Variants in GABBR2 observed in about 807,000 individuals in gnomAD.
The protein encoded by GABBR2 is gamma-aminobutyric acid type B receptor subunit 2.
GABBR2 carries 23 observed loss-of-function variants against 105.6 expected under a neutral mutation model. The observed-to-expected ratio is 0.22, with a 90% CI of 0.16 to 0.31. The LOEUF (loss-of-function observed/expected upper bound fraction) is 0.31. GABBR2 is among the 10% of genes least tolerant of loss of function. GABBR2 has a pLI of 1.00. For missense variants in GABBR2, 734 were observed against 1,245.5 expected (o/e 0.59, Z 6.18); for synonymous variants, 478 against 499.7 (o/e 0.96, Z 0.58).
chr9:98,300,711 C>A (rs1267810205), intron 16 of GABBR2, among the ~76,000 whole-genome samples: 2 of 152,188 alleles, frequency 1.3e-5, no homozygotes, highest in Admixed American at 1.3e-4. Context: ...TCTCTCTGAC[C>A]TTCTCCTGTC....
chr9:98,694,731 T>C (rs1015997400), intron 1 of GABBR2, among the ~76,000 whole-genome samples: 4 of 152,222 alleles, frequency 2.6e-5, no homozygotes, highest in African/African-American at 4.8e-5. Flanking sequence ...ATTAATCTTA[T>C]TTCTCTCCCT....
chr9:98,310,478 C>A (rs1367896352), intron 14 of GABBR2, among the ~76,000 whole-genome samples: 1 of 152,096 alleles, frequency 6.6e-6, no homozygotes, highest in Admixed American at 6.5e-5. Flanking sequence ...GAACTCCTGA[C>A]CTCAGGTGAC....
intron 7 of GABBR2, among the ~76,000 whole-genome samples, chr9:98,451,665 C>T (rs1826232285): frequency 6.6e-6 from 1 of 152,146 alleles, no homozygotes. Flanking sequence ...GAATGTGCAT[C>T]TCTAACAAGC....
intron 7 of GABBR2, among the ~76,000 whole-genome samples, chr9:98,439,282 G>C (rs16916066): frequency 0.053 from 8,012 of 152,234 alleles, 425 homozygotes; most frequent in African/African-American, 0.14. Context: ...CTGCCAGGCT[G>C]TCCTCCAGGG....
chr9:98,602,201 C>T (rs1037130979), intron 1 of GABBR2, among the ~76,000 whole-genome samples: 3 of 150,804 alleles, frequency 2.0e-5, no homozygotes, highest in Non-Finnish European at 4.4e-5. Context: ...TGGCCGGGTG[C>T]GGTGGCTCAC....
At chr9:98,506,257 G>A (rs750038810) in intron 3 of GABBR2, among the ~76,000 whole-genome samples, 1 of 152,186 alleles carries the variant, frequency 6.6e-6, no homozygotes, top group Non-Finnish European at 1.5e-5. Context: ...ATGACCATGA[G>A]TATGGGGGCT....
rs1314974564 is a variant in GABBR2 at position 98,388,734 on chromosome 9, A to T, written c.1529+120T>A. On this transcript the variant is annotated intron_variant, in intron 10 of 18. Coordinates refer to ENST00000259455, the MANE Select transcript of GABBR2 (RefSeq NM_005458.8). This position sits in a 1 kb window ranked among gnomAD's most constrained non-coding sequence, Gnocchi z 4.4. ...CCTAGCAACGGAGGAACACTTTGGGAAACTCTGCCCTGCAGACTTCTGTGT... is the reference window on the plus strand; with the variant it reads ...CCTAGCAACGGAGGAACACTTTGGGTAACTCTGCCCTGCAGACTTCTGTGT... 2.6e-6 allele frequency: 2 copies of T among 766,312 alleles called. No homozygotes were observed. The highest frequency in any genetic ancestry group is 4.2e-6 in the Non-Finnish European group (2 of 479,552). The allele number at this position is 766,312 out of a possible 1,614,324, so 47.5% of individuals were successfully genotyped here.
chr9:98,458,279 G>T (rs1826361068), intron 6 of GABBR2, among the ~76,000 whole-genome samples: 1 of 152,250 alleles, frequency 6.6e-6, no homozygotes, highest in South Asian at 2.1e-4. Flanking sequence ...GGTGAAACTG[G>T]CAGACTTTCT....
At chr9:98,362,010 G>A (rs950445270) in intron 13 of GABBR2, among the ~76,000 whole-genome samples, 1 of 152,190 alleles carries the variant, frequency 6.6e-6, no homozygotes, top group East Asian at 1.9e-4. Flanking sequence ...GAGAGAAACA[G>A]AGATTCTTAT....
intron 1 of GABBR2, among the ~76,000 whole-genome samples, chr9:98,632,947 A>T (rs530965351): frequency 1.3e-5 from 2 of 152,358 alleles, no homozygotes; most frequent in East Asian, 3.9e-4. Flanking sequence ...GGAGAGCCTC[A>T]GGAAGTACAG....
chr9:98,299,470 G>A (rs1278542840), intron 16 of GABBR2, 117 bp from the exon 17 acceptor site: 1 of 1,040,810 alleles, frequency 9.6e-7, no homozygotes, highest in Middle Eastern at 3.1e-4. Flanking sequence ...GGAGTGCCCT[G>A]AGAATCAGAG....
intron 6 of GABBR2, among the ~76,000 whole-genome samples, chr9:98,463,850 G>A (rs1394417865): frequency 2.6e-5 from 4 of 152,168 alleles, no homozygotes; most frequent in Non-Finnish European, 5.9e-5. Flanking sequence ...TGACCGGGCT[G>A]GTGTCCAGCT....
chr9:98,525,191 CA>C (rs144064001), intron 3 of GABBR2, among the ~76,000 whole-genome samples: 4,329 of 151,904 alleles, frequency 0.028, 210 homozygotes, highest in African/African-American at 0.099. Context: ...AACTTTTGTG[CA>C]AAAAAACACC....
chr9:98,606,117 G>A (rs568345735), intron 1 of GABBR2, among the ~76,000 whole-genome samples: 2 of 152,236 alleles, frequency 1.3e-5, no homozygotes, highest in Admixed American at 6.5e-5. Flanking sequence ...TCCTTTTTGC[G>A]GCTGCATAGT....
intron 3 of GABBR2, among the ~76,000 whole-genome samples, chr9:98,502,823 T>C (rs1236920319): frequency 2.0e-5 from 3 of 152,254 alleles, no homozygotes; most frequent in Admixed American, 1.3e-4. Flanking sequence ...GCCTGGCTTC[T>C]GAACTTGAGT....
At chr9:98,453,037 T>TA (rs1826259448) in intron 7 of GABBR2, among the ~76,000 whole-genome samples, 1 of 152,214 alleles carries the variant, frequency 6.6e-6, no homozygotes. Flanking sequence ...CCCTTTTTTT[T>TA]TCTTTTGAGA....
chr9:98,690,964 T>C (rs1339741002), intron 1 of GABBR2, among the ~76,000 whole-genome samples: 1 of 152,182 alleles, frequency 6.6e-6, no homozygotes, highest in East Asian at 1.9e-4. Flanking sequence ...AACAGTTATA[T>C]CAGCACAGAT....
At chr9:98,475,206 C>T (rs1177474173) in intron 5 of GABBR2, among the ~76,000 whole-genome samples, 3 of 152,116 alleles carry the variant, frequency 2.0e-5, no homozygotes, top group African/African-American at 7.2e-5. Context: ...AACTACATTA[C>T]AATGTTGCCC....
chr9:98,515,742 G>C (rs1462744004), intron 3 of GABBR2, among the ~76,000 whole-genome samples: 1 of 151,484 alleles, frequency 6.6e-6, no homozygotes, highest in African/African-American at 2.4e-5. Context: ...AGGGAGGAAG[G>C]GGGCCACAGG....
Sources: gnomAD v4.1 joint callset for allele counts (sites outside exome capture counted in the v4.1 genomes callset) on GRCh38, gnomAD v4.1.1 for gene constraint, Gnocchi (gnomAD v3.1) non-coding constraint, MANE v1.5 for transcripts, NCBI Gene and HGNC (gene_info 2026-07-23, HGNC 2026-07-21) for gene names.